The following RNF216 variants were observed in gnomAD, a reference collection of about 807,000 sequenced individuals.
RNF216 encodes ring finger protein 216.
In RNF216, 72 loss-of-function variants were observed where a neutral mutation model predicts 110.8. That is an observed-to-expected ratio of 0.65 (90% CI 0.54 to 0.79). The LOEUF (loss-of-function observed/expected upper bound fraction) is 0.79. RNF216 is among the 30% of genes least tolerant of loss of function. The pLI is 0.00. For missense variants in RNF216, 1,342 were observed against 1,141.2 expected (o/e 1.18, Z -2.54); for synonymous variants, 495 against 407.5 (o/e 1.21, Z -2.59).
chr7:5,736,480 C>T (rs1006002797), intron 5 of RNF216, among the ~76,000 whole-genome samples: 1 of 152,208 alleles, frequency 6.6e-6, no homozygotes, highest in African/African-American at 2.4e-5. Flanking sequence ...CAACCTCCAC[C>T]TCCCAGCCGC....
At chr7:5,712,495 G>A (rs1401469960) in intron 12 of RNF216, among the ~76,000 whole-genome samples, 1 of 151,916 alleles carries the variant, frequency 6.6e-6, no homozygotes, top group South Asian at 2.1e-4. Context: ...AGAAGTTTGA[G>A]GGGCAGATTT....
chr7:5,635,152 T>TC (rs1787321553), intron 15 of RNF216, among the ~76,000 whole-genome samples: 1 of 152,118 alleles, frequency 6.6e-6, no homozygotes, highest in Non-Finnish European at 1.5e-5. Context: ...AAGCACTGCC[T>TC]CCCAGTCCCA....
At chr7:5,625,584 C>A (rs993192912) in intron 15 of RNF216, among the ~76,000 whole-genome samples, 7 of 152,208 alleles carry the variant, frequency 4.6e-5, no homozygotes, top group Non-Finnish European at 1.0e-4. Context: ...ATGTCACAGC[C>A]AAGACAGAAA....
chr7:5,650,356 C>A (rs1389060642), intron 14 of RNF216, among the ~76,000 whole-genome samples: 1 of 152,184 alleles, frequency 6.6e-6, no homozygotes, highest in Non-Finnish European at 1.5e-5. Flanking sequence ...CTGAGCGGAA[C>A]CAGTGCCAGG....
At chr7:5,693,801 C>A (rs750034649) in intron 13 of RNF216, among the ~76,000 whole-genome samples, 2 of 152,072 alleles carry the variant, frequency 1.3e-5, no homozygotes, top group Non-Finnish European at 2.9e-5. Flanking sequence ...AGCTGGTCAC[C>A]CATGGCCAGG....
chr7:5,773,117 G>GT (rs1196759239), intron 1 of RNF216, among the ~76,000 whole-genome samples: 3 of 151,926 alleles, frequency 2.0e-5, no homozygotes, highest in Non-Finnish European at 4.4e-5. Context: ...ATATATCAGC[G>GT]TAAGTTTGGG....
chr7:5,754,692 T>C (rs1248435768), intron 2 of RNF216, among the ~76,000 whole-genome samples: 1 of 152,132 alleles, frequency 6.6e-6, no homozygotes, highest in Non-Finnish European at 1.5e-5. Flanking sequence ...CTTGAAGAAC[T>C]GACCCAAGAA....
intron 13 of RNF216, among the ~76,000 whole-genome samples, chr7:5,685,324 G>A (rs73673148): frequency 0.015 from 2,303 of 152,206 alleles, 56 homozygotes; most frequent in African/African-American, 0.054. Flanking sequence ...TGAATAAAAC[G>A]TGATTAATGT....
intron 10 of RNF216, among the ~76,000 whole-genome samples, chr7:5,715,774 C>G (rs1793019521): frequency 7.2e-6 from 1 of 138,606 alleles, no homozygotes. Context: ...TGGAGTCTCA[C>G]TCTGTTGCCC....
intron 13 of RNF216, among the ~76,000 whole-genome samples, chr7:5,671,145 A>C (rs1789881593): frequency 6.6e-6 from 1 of 152,246 alleles, no homozygotes; most frequent in South Asian, 2.1e-4. Context: ...AGGCTCCCTA[A>C]GCTGTGCTCT....
intron 1 of RNF216, among the ~76,000 whole-genome samples, chr7:5,771,654 C>G (rs1796499845): frequency 6.6e-6 from 1 of 151,850 alleles, no homozygotes; most frequent in Non-Finnish European, 1.5e-5. Flanking sequence ...AAAAATTTAG[C>G]CAGGCGCAGT....
At chr7:5,698,337 A>T (rs1219592956) in intron 13 of RNF216, among the ~76,000 whole-genome samples, 2 of 151,624 alleles carry the variant, frequency 1.3e-5, no homozygotes, top group Non-Finnish European at 2.9e-5. Flanking sequence ...TGGGAACCCA[A>T]TTCATCGGTT....
chr7:5,727,188 T>C (rs528021726), intron 7 of RNF216, among the ~76,000 whole-genome samples: 59 of 152,330 alleles, frequency 3.9e-4, no homozygotes, highest in Non-Finnish European at 5.3e-4. Context: ...TGTGGCGGTG[T>C]TGAGAAGGTG....
chr7:5,739,378 A>G (rs1418410169), intron 4 of RNF216, 26 bp from the exon 5 acceptor site: 2 of 1,581,078 alleles, frequency 1.3e-6, no homozygotes, highest in Admixed American at 3.7e-5. Context: ...AACATAATTT[A>G]TATTTCATTC....
At chr7:5,766,804 G>C (rs1170876328) in intron 1 of RNF216, 1 of 152,156 alleles carries the variant, frequency 6.6e-6, no homozygotes, top group African/African-American at 2.4e-5. Context: ...AAATGTCTGT[G>C]GCACAACTTT....
intron 13 of RNF216, among the ~76,000 whole-genome samples, chr7:5,689,246 T>C (rs975935655): frequency 1.3e-5 from 2 of 151,698 alleles, no homozygotes; most frequent in African/African-American, 4.8e-5. Flanking sequence ...CAGAAGCTGA[T>C]ATGGCAGCAT....
At chr7:5,762,791 T>G (rs1025260185) in intron 1 of RNF216, among the ~76,000 whole-genome samples, 2 of 152,246 alleles carry the variant, frequency 1.3e-5, no homozygotes, top group Non-Finnish European at 2.9e-5. Context: ...TAAGGGAGAA[T>G]GAAAAGGAAC....
intron 9 of RNF216, 75 bp downstream of exon 9, chr7:5,720,958 T>G: frequency 1.4e-6 from 2 of 1,429,076 alleles, no homozygotes; most frequent in South Asian, 2.6e-5. Context: ...TAAAAGACAG[T>G]TTTGTACTAA....
Position 5,722,576 on chromosome 7 carries a change from A to C in RNF216, c.1505-1404T>G, listed in dbSNP as rs11536475. On this transcript the variant is annotated intron_variant, in intron 8 of 16. Transcript: ENST00000389902. Reference sequence around the variant, plus strand: ...CGGCTAATTTTTTGTATTTTTAGTAAAGACGGGGTTTCACTGTGTTAGCCA... The same window carrying C: ...CGGCTAATTTTTTGTATTTTTAGTACAGACGGGGTTTCACTGTGTTAGCCA... Among the ~76,000 whole-genome samples the C allele has an allele frequency of 3.7e-3, 560 of 150,968 alleles. 15 individuals carry two copies. The East Asian group carries it at 0.073, about 20-fold the overall frequency.
Sources: gnomAD v4.1 joint callset for allele counts (sites outside exome capture counted in the v4.1 genomes callset) on GRCh38, gnomAD v4.1.1 for gene constraint, MANE v1.5 for transcripts, NCBI Gene and HGNC (gene_info 2026-07-23, HGNC 2026-07-21) for gene names.